The following PRR5 variants were observed in gnomAD, a reference collection of about 807,000 sequenced individuals.
PRR5 encodes proline rich 5, also known as proline-rich protein 5.
In PRR5, 25 loss-of-function variants were observed where a neutral mutation model predicts 30.6. The ratio of observed to expected loss-of-function variants is 0.82; its 90% CI spans 0.60 to 1.14. The LOEUF is 1.14. PRR5 is among the 50% of genes most tolerant of loss of function. PRR5 has a pLI of 0.00. For missense variants in PRR5, 600 were observed against 547.1 expected, an observed-to-expected ratio of 1.10 and a Z score of -0.96; for synonymous variants, 286 against 247.1, an observed-to-expected ratio of 1.16 and a Z score of -1.48.
chr22:44,696,721 G>T (rs79118556), intron 1 of PRR5, among the ~76,000 whole-genome samples: 4 of 148,034 alleles, frequency 2.7e-5, no homozygotes, highest in East Asian at 2.0e-4. Context: ...ATGAACTTAC[G>T]TATTTATTTA....
At chr22:44,731,638 C>A (rs1409704819) in intron 4 of PRR5, 92 bp from the exon 5 acceptor site, 1 of 1,315,304 alleles carries the variant, frequency 7.6e-7, no homozygotes, top group Admixed American at 1.7e-5. Context: ...CCAGGCCCTC[C>A]ACTCCCGCAT....
At chr22:44,672,622 A>G (rs1251695067), upstream of PRR5, among the ~76,000 whole-genome samples, 2 of 152,188 alleles carry the variant, frequency 1.3e-5, no homozygotes, top group African/African-American at 4.8e-5. Flanking sequence ...TCAAGAAAAC[A>G]CATGTATTTG....
At chr22:44,684,006 C>A (rs2146951064) in intron 1 of PRR5, among the ~76,000 whole-genome samples, 2 of 152,340 alleles carry the variant, frequency 1.3e-5, no homozygotes, top group South Asian at 4.1e-4. Flanking sequence ...ACTGCAGCGA[C>A]AGGTAGGGTG....
rs1350264667 is a variant in PRR5, at chr22:44,736,995, G to A, written c.915G>A (p.Gly305=). 1.9e-6 allele frequency: 3 copies of A among 1,600,474 alleles called. No individual in the cohort carries two copies. The highest frequency in any genetic ancestry group is 2.6e-6 in the Non-Finnish European group (3 of 1,173,764). The stretch of plus-strand genomic sequence containing the variant: ...ACCCGCCCGGCCAGGGCCCCACCGG[G>A]ACCTTCAGGTCCTCCCCGGCGCCCC... The part of the protein sequence containing the change: ...FSDPPGQGPT[G]TFRSSPAPHS... The change falls in exon 8 of 8, where the codon GGG becomes GGA. Residue 305 remains glycine, a synonymous_variant. Coordinates refer to ENST00000336985, the MANE Select transcript of PRR5 (RefSeq NM_181333.4).
chr22:44,695,593 T>TTTTTTG (rs1347203579), intron 1 of PRR5, among the ~76,000 whole-genome samples: 8 of 152,214 alleles, frequency 5.3e-5, no homozygotes, highest in East Asian at 1.9e-4. Context: ...TGTTTGTTTG[T>TTTTTTG]TTTTTGTTTT....
chr22:44,671,994 G>T (rs1230263706), intron 1 of PRR5, among the ~76,000 whole-genome samples: 1 of 152,258 alleles, frequency 6.6e-6, no homozygotes, highest in African/African-American at 2.4e-5. Flanking sequence ...GCCTTGTGGT[G>T]CATAGTCTTG....
upstream of PRR5, among the ~76,000 whole-genome samples, chr22:44,674,465 G>A (rs958730631): frequency 6.6e-6 from 1 of 152,160 alleles, no homozygotes; most frequent in Admixed American, 6.5e-5. Context: ...GCTCACGCCT[G>A]TAATCCCAGC....
intron 6 of PRR5, among the ~76,000 whole-genome samples, chr22:44,733,511 G>C (rs2147180464): frequency 6.6e-6 from 1 of 152,342 alleles, no homozygotes; most frequent in South Asian, 2.1e-4. Flanking sequence ...CGGCCAGTGT[G>C]GAGCTGTGCA....
At chr22:44,702,179 T>A (rs866996203), upstream of PRR5, 1 of 841,810 alleles carries the variant, frequency 1.2e-6, no homozygotes, top group Non-Finnish European at 1.4e-6. Context: ...GACCCGCCCC[T>A]GGGCCCGCCC....
At chr22:44,681,250 G>A (rs959382386) in intron 1 of PRR5, among the ~76,000 whole-genome samples, 5 of 152,154 alleles carry the variant, frequency 3.3e-5, no homozygotes, top group African/African-American at 4.8e-5. Context: ...CTTTGACTGG[G>A]TTCCTGGGAA....
chr22:44,680,300 G>T (rs564020960), intron 1 of PRR5, among the ~76,000 whole-genome samples: 1 of 152,108 alleles, frequency 6.6e-6, no homozygotes, highest in Non-Finnish European at 1.5e-5. Flanking sequence ...CACCTGCCCC[G>T]TGGCTTCCTG....
chr22:44,724,709 T>C (rs1930424087), intron 2 of PRR5, among the ~76,000 whole-genome samples: 1 of 152,196 alleles, frequency 6.6e-6, no homozygotes, highest in African/African-American at 2.4e-5. Context: ...CCTGGTCTGG[T>C]GTCTTGACCT....
rs1922158645 is a variant in PRR5 at position 44,732,292 on chromosome 22, C to G, written c.456C>G (p.Phe152Leu). ...TGCGCCAGCTGGCCCTGCTGCACTT[C>G]CGGAATGCCATCACCCTCAGTGTGA... The part of the protein sequence containing the change: ...PSVRQLALLH[F>L]RNAITLSVKL... Residue 152 changes from phenylalanine to leucine, a missense_variant, in exon 6 of 8, where the codon TTC (phenylalanine) becomes TTG (leucine). Transcript: ENST00000336985. 2 of 1,612,290 alleles carry G rather than the reference C, an allele frequency of 1.2e-6. No individual in the cohort carries two copies. Among genetic ancestry groups the G allele is most frequent in the Non-Finnish European group, 1.7e-6 (2 of 1,179,960 alleles).
At chr22:44,702,194 G>A (rs557804021), upstream of PRR5, 136 of 1,039,186 alleles carry the variant, frequency 1.3e-4, no homozygotes, top group African/African-American at 2.2e-3. Context: ...CCGCCCCCGG[G>A]TCCGCCCCCG....
intron 1 of PRR5, among the ~76,000 whole-genome samples, chr22:44,710,906 G>A (rs9614562): frequency 0.31 from 47,678 of 152,022 alleles, 8,076 homozygotes; most frequent in Non-Finnish European, 0.39. Context: ...AGGGCAGGGC[G>A]TGCTGACCTT....
At position 44,723,367 on chromosome 22, in the gene PRR5, A is replaced by G. The variant is rs1331555123; in HGVS notation, c.216-1877A>G. Among the ~76,000 whole-genome samples, 3 of 152,316 alleles carry G rather than the reference A, an allele frequency of 2.0e-5. No individual in the cohort carries two copies. The East Asian group carries it at 5.8e-4, about 29-fold the overall frequency. On this transcript the variant is annotated intron_variant, in intron 2 of 7. Coordinates refer to ENST00000336985, the MANE Select transcript of PRR5 (RefSeq NM_181333.4). ...CCAACGTATTTTACTGTTTGGTTATAACCATACAGAGAAATGAAAAAGATT... is the reference window on the plus strand; with the variant it reads ...CCAACGTATTTTACTGTTTGGTTATGACCATACAGAGAAATGAAAAAGATT...
intron 5 of PRR5, among the ~76,000 whole-genome samples, 165 bp from the exon 6 acceptor site, chr22:44,732,086 C>T (rs774781435): frequency 2.0e-5 from 3 of 152,246 alleles, no homozygotes; most frequent in Non-Finnish European, 4.4e-5. Flanking sequence ...CCAGAGGAAA[C>T]TGAAGGGGCC....
intron 1 of PRR5, among the ~76,000 whole-genome samples, chr22:44,710,192 C>CT (rs1569087845): frequency 6.6e-6 from 1 of 152,174 alleles, no homozygotes; most frequent in East Asian, 1.9e-4. Context: ...CTCAGCCCTT[C>CT]TCTTCAGCCC....
chr22:44,719,812 A>T (rs971780778), intron 2 of PRR5, among the ~76,000 whole-genome samples: 9 of 152,092 alleles, frequency 5.9e-5, no homozygotes, highest in Non-Finnish European at 1.2e-4. Context: ...GTCACAGATG[A>T]TCTGTCCCTG....
Sources: gnomAD v4.1 joint callset for allele counts (sites outside exome capture counted in the v4.1 genomes callset) on GRCh38, gnomAD v4.1.1 for gene constraint, MANE v1.5 for transcripts, NCBI Gene and HGNC (gene_info 2026-07-23, HGNC 2026-07-21) for gene names.